The following PABIR1 variants were observed in gnomAD, a reference collection of about 807,000 sequenced individuals.
PABIR1 encodes the protein PPP2R1A-PPP2R2A-interacting phosphatase regulator 1.
PABIR1 carries 2 observed loss-of-function variants against 14.6 expected under a neutral mutation model. That is an observed-to-expected ratio of 0.14 (90% CI 0.06 to 0.43). The LOEUF is 0.43. Among genes scored for constraint, PABIR1 ranks in the 20% least tolerant of loss-of-function variants. The pLI is 0.99. For synonymous variants in PABIR1, 163 were observed against 155.4 expected (o/e 1.05, Z -0.36); for missense variants, 294 against 379.0 (o/e 0.78, Z 1.86).
At position 68,783,418 on chromosome 9, in the gene PABIR1, A is replaced by T. The variant is rs1221107764; in HGVS notation, c.*2390A>T. The stretch of plus-strand genomic sequence containing the variant: ...GTGAGTTTAAGTATGAAGGCAATGT[A>T]TACCTGCTGATTGTAAAATATTTAA... On this transcript the variant is annotated 3_prime_UTR_variant, in exon 1 of 1. Coordinates refer to ENST00000394264, the MANE Select transcript of PABIR1 (RefSeq NM_138333.5). The T allele has an allele frequency of 6.0e-6, 1 of 167,018 alleles. No individual in the cohort carries two copies. The highest frequency in any genetic ancestry group is 6.5e-5 in the Admixed American group (1 of 15,282). 10.3% of individuals were successfully genotyped at this position (167,018 alleles called of 1,614,324 possible).
At position 68,784,203 on chromosome 9, in the gene PABIR1, G is replaced by T. The variant is rs538408801; in HGVS notation, c.*3175G>T. 1 of 167,236 alleles carries T rather than the reference G, an allele frequency of 6.0e-6. No homozygotes were observed. Among genetic ancestry groups the T allele is most frequent in the South Asian group, 2.1e-4 (1 of 4,828 alleles). The allele number at this position is 167,236 out of a possible 1,614,324, so 10.4% of individuals were successfully genotyped here. On this transcript the variant is annotated 3_prime_UTR_variant, in exon 1 of 1. Transcript: ENST00000394264. The stretch of plus-strand genomic sequence containing the variant: ...AACGTCCATCATTATTCTGTAGACT[G>T]TAAGGGCTTACTTAGCTCGTGTAAG...
In PABIR1 at chr9:68,783,121, A is replaced by G. The variant is rs1234638448; in HGVS notation, c.*2093A>G. On this transcript the variant is annotated 3_prime_UTR_variant, in exon 1 of 1. Transcript: ENST00000394264. ...GTAATCTTTCTGAAATTTAAACTTGATATTTTTCGCCCTCTTGCTTGAAAA... is the reference window on the plus strand; with the variant it reads ...GTAATCTTTCTGAAATTTAAACTTGGTATTTTTCGCCCTCTTGCTTGAAAA... The G allele has an allele frequency of 1.2e-5, 2 of 166,910 alleles. No homozygotes were observed. Among genetic ancestry groups the G allele is most frequent in the African/African-American group, 2.4e-5 (1 of 41,394 alleles). 10.3% of individuals were successfully genotyped at this position (166,910 alleles called of 1,614,324 possible).
chr9:68,781,205 C>G lies in PABIR1; in HGVS notation c.*177C>G. ...TTCTATGTCAGGTTCCTTTGGATAC[C>G]CTTGAATTCAGTGTAGTAATATTTT... On this transcript the variant is annotated 3_prime_UTR_variant, in exon 1 of 1. Transcript: ENST00000394264. 1.3e-6 allele frequency: 1 copy of G among 772,510 alleles called. No homozygotes were observed. The highest frequency in any genetic ancestry group is 2.1e-6 in the Non-Finnish European group (1 of 482,552). The allele number at this position is 772,510 out of a possible 1,614,324, so 47.9% of individuals were successfully genotyped here.
rs1831504908 is a variant in PABIR1, at chr9:68,784,635, G to A, written c.*3607G>A. 6.0e-6 allele frequency: 1 copy of A among 166,554 alleles called. No homozygotes were observed. The highest frequency in any genetic ancestry group is 2.4e-5 in the African/African-American group (1 of 41,384). The allele number at this position is 166,554 out of a possible 1,614,324, so 10.3% of individuals were successfully genotyped here. On this transcript the variant is annotated 3_prime_UTR_variant, in exon 1 of 1. Coordinates refer to ENST00000394264, the MANE Select transcript of PABIR1 (RefSeq NM_138333.5). ...TGAGTCTGAGAACATTTTTTTTCAG[G>A]GTGTGTTTATAGATTAGTAGAACAA...
Position 68,781,929 on chromosome 9 carries a change from A to G in PABIR1, c.*901A>G, listed in dbSNP as rs1328819499. 3 of 167,016 alleles carry G rather than the reference A, an allele frequency of 1.8e-5. No individual in the cohort carries two copies. The highest frequency in any genetic ancestry group is 4.8e-5 in the African/African-American group (2 of 41,462). The allele number at this position is 167,016 out of a possible 1,614,324, so 10.3% of individuals were successfully genotyped here. A position where few individuals can be genotyped will look rare whatever the true frequency, so the allele number is the denominator to read the frequency against. On this transcript the variant is annotated 3_prime_UTR_variant, in exon 1 of 1. Coordinates refer to ENST00000394264, the MANE Select transcript of PABIR1 (RefSeq NM_138333.5). The stretch of plus-strand genomic sequence containing the variant: ...AGGCTTGTTGAACTTTGGCGCACTC[A>G]GGTAAACAATACTCTCTCAATTGTT...
Position 68,782,407 on chromosome 9 carries a change from A to G in PABIR1, c.*1379A>G, listed in dbSNP as rs1027225842. The G allele has an allele frequency of 6.0e-6, 1 of 166,942 alleles. No homozygotes were observed. Among genetic ancestry groups the G allele is most frequent in the Non-Finnish European group, 1.5e-5 (1 of 68,114 alleles). The allele number at this position is 166,942 out of a possible 1,614,324, so 10.3% of individuals were successfully genotyped here. Reference sequence around the variant, plus strand: ...AATTAAGACAAAATGTTTAATAAGAATAGCAAAAATTTTTTTATATTATGC... The same window carrying G: ...AATTAAGACAAAATGTTTAATAAGAGTAGCAAAAATTTTTTTATATTATGC... On this transcript the variant is annotated 3_prime_UTR_variant, in exon 1 of 1. Transcript: ENST00000394264.
Position 68,780,995 on chromosome 9 carries a change from A to G in PABIR1, c.831A>G (p.Pro277=). 3 of 1,614,028 alleles carry G rather than the reference A, an allele frequency of 1.9e-6. No individual in the cohort carries two copies. The highest frequency in any genetic ancestry group is 2.5e-6 in the Non-Finnish European group (3 of 1,179,888). The part of the protein sequence containing the change: ...SPVSPAQAAS[P]FIPLDELSSK ...TGTCACCTGCCCAAGCGGCTTCTCC[A>G]TTTATTCCACTAGATGAACTTTCGT... Residue 277 remains proline (P), a synonymous_variant, in exon 1 of 1, where the codon CCA becomes CCG. Coordinates refer to ENST00000394264, the MANE Select transcript of PABIR1 (RefSeq NM_138333.5).
In PABIR1 at chr9:68,782,311, T is replaced by C. The variant is rs1481365278; in HGVS notation, c.*1283T>C. 6.0e-6 allele frequency: 1 copy of C among 167,130 alleles called. No individual in the cohort carries two copies. Among genetic ancestry groups the C allele is most frequent in the Non-Finnish European group, 1.5e-5 (1 of 68,130 alleles). The allele number at this position is 167,130 out of a possible 1,614,324, so 10.4% of individuals were successfully genotyped here. ...AAGAGAAAATTAGTGGAGAGTCACA[T>C]AGGTAAATCATTATTTAACTTAGGT... On this transcript the variant is annotated 3_prime_UTR_variant, in exon 1 of 1. Coordinates refer to ENST00000394264, the MANE Select transcript of PABIR1 (RefSeq NM_138333.5).
At position 68,780,588 on chromosome 9, in the gene PABIR1, G is replaced by T. The variant is rs376348109; in HGVS notation, c.424G>T (p.Val142Leu). 1.7e-5 allele frequency: 27 copies of T among 1,614,074 alleles called. No individual in the cohort carries two copies. Among genetic ancestry groups the T allele is most frequent in the Non-Finnish European group, 2.3e-5 (27 of 1,180,044 alleles). The change falls in exon 1 of 1, where the codon GTG (valine) becomes TTG (leucine). Residue 142 changes from valine to leucine, a missense_variant. Val to Leu is a conservative substitution (Grantham distance 32). Coordinates refer to ENST00000394264, the MANE Select transcript of PABIR1 (RefSeq NM_138333.5). ...CCCCAAGCGCATCGATTTCATTCCT[G>T]TGTCACCAGCACCGTCACCCACTCG... Reference protein sequence around the residue: ...ASPKRIDFIPVSPAPSPTRGI... With the variant: ...ASPKRIDFIPLSPAPSPTRGI...
rs1564128698 is a variant in PABIR1, at chr9:68,780,125, G to A, written c.-40G>A. The A allele has an allele frequency of 2.0e-6, 3 of 1,504,120 alleles. No individual in the cohort carries two copies. In the East Asian group the frequency reaches 7.1e-5, roughly 36 times the overall value. 93.2% of individuals were successfully genotyped at this position (1,504,120 alleles called of 1,614,324 possible). ...GGACTGCGGGGAATGGGAATCCTAG[G>A]TCCCTGACTGAGCACCTCCCCCGCC... On this transcript the variant is annotated 5_prime_UTR_variant, in exon 1 of 1. Transcript: ENST00000394264.
chr9:68,783,249 TCTC>T lies in PABIR1; in HGVS notation c.*2225_*2227del, dbSNP rs1349844147. 1.2e-5 allele frequency: 2 copies of T among 167,128 alleles called. No individual in the cohort carries two copies. Among genetic ancestry groups the T allele is most frequent in the East Asian group, 1.9e-4 (1 of 5,196 alleles). The allele number at this position is 167,128 out of a possible 1,614,324, so 10.4% of individuals were successfully genotyped here. On this transcript the variant is annotated 3_prime_UTR_variant, in exon 1 of 1. Transcript: ENST00000394264. ...CCATATTCTGAAATAGCTTCAATCC[TCTC>T]CTCATCTCTGTTCCAGTATACATCT...
Position 68,783,617 on chromosome 9 carries a change from C to T in PABIR1, c.*2589C>T, listed in dbSNP as rs1831431990. The stretch of plus-strand genomic sequence containing the variant: ...CAGGAAACCAACATGTCATTGACAC[C>T]TCTCTTCTTTACTTTTCCCCATATC... On this transcript the variant is annotated 3_prime_UTR_variant, in exon 1 of 1. Coordinates refer to ENST00000394264, the MANE Select transcript of PABIR1 (RefSeq NM_138333.5). 3 of 166,858 alleles carry T rather than the reference C, an allele frequency of 1.8e-5. No homozygotes were observed. The highest frequency in any genetic ancestry group is 6.5e-5 in the Admixed American group (1 of 15,280). The allele number at this position is 166,858 out of a possible 1,614,324, so 10.3% of individuals were successfully genotyped here. A position where few individuals can be genotyped will look rare whatever the true frequency, so the allele number is the denominator to read the frequency against.
rs975422956 is a variant in PABIR1, at chr9:68,783,446, A to AT, written c.*2420dup. On this transcript the variant is annotated 3_prime_UTR_variant, in exon 1 of 1. Coordinates refer to ENST00000394264, the MANE Select transcript of PABIR1 (RefSeq NM_138333.5). ...CCTGCTGATTGTAAAATATTTAAAC[A>AT]TTGTACATATCTGTGTGGTTTTAAA... 1.2e-5 allele frequency: 2 copies of AT among 167,018 alleles called. No homozygotes were observed. Among genetic ancestry groups the AT allele is most frequent in the African/African-American group, 4.8e-5 (2 of 41,464 alleles). The allele number at this position is 167,018 out of a possible 1,614,324, so 10.3% of individuals were successfully genotyped here.
At position 68,780,672 on chromosome 9, in the gene PABIR1, T is replaced by C. The variant is rs1831213473; in HGVS notation, c.508T>C (p.Leu170=). Residue 170 remains leucine, a synonymous_variant, in exon 1 of 1, where the codon TTG becomes CTG. Transcript: ENST00000394264. ...SLQSFVSSNG[L]PPSPIPSPTT... ...GCAAAGTTTTGTAAGTAGCAACGGA[T>C]TGCCTCCAAGCCCTATTCCCAGCCC... 3 of 1,614,050 alleles carry C rather than the reference T, an allele frequency of 1.9e-6. No individual in the cohort carries two copies. The highest frequency in any genetic ancestry group is 2.5e-6 in the Non-Finnish European group (3 of 1,180,038).
rs955668395 is a variant in PABIR1, at chr9:68,781,984, C to T, written c.*956C>T. 1 of 167,052 alleles carries T rather than the reference C, an allele frequency of 6.0e-6. No individual in the cohort carries two copies. 10.3% of individuals were successfully genotyped at this position (167,052 alleles called of 1,614,324 possible). A position where few individuals can be genotyped will look rare whatever the true frequency, so the allele number is the denominator to read the frequency against. On this transcript the variant is annotated 3_prime_UTR_variant, in exon 1 of 1. Coordinates refer to ENST00000394264, the MANE Select transcript of PABIR1 (RefSeq NM_138333.5). ...TACTTTAAAATATTCAGTTGTGCCTCAGTTCCAGAAATTATTGCCAAACAG... is the reference window on the plus strand; with the variant it reads ...TACTTTAAAATATTCAGTTGTGCCTTAGTTCCAGAAATTATTGCCAAACAG...
At position 68,784,517 on chromosome 9, in the gene PABIR1, A is replaced by G. The variant is rs1393090942; in HGVS notation, c.*3489A>G. On this transcript the variant is annotated 3_prime_UTR_variant, in exon 1 of 1. Coordinates refer to ENST00000394264, the MANE Select transcript of PABIR1 (RefSeq NM_138333.5). ...ATCAGATTGCCTTCCAGTGATTCAC[A>G]TTTATTAGTTCAACCAGTTACATAC... The G allele has an allele frequency of 6.0e-6, 1 of 166,650 alleles. No individual in the cohort carries two copies. The highest frequency in any genetic ancestry group is 6.5e-5 in the Admixed American group (1 of 15,294). 10.3% of individuals were successfully genotyped at this position (166,650 alleles called of 1,614,324 possible).
In PABIR1 at chr9:68,783,469, A is replaced by G. The variant is rs2132467843; in HGVS notation, c.*2441A>G. ...ACATTGTACATATCTGTGTGGTTTT[A>G]AAAGTCTGCTTTTAATTATGTAAAA... On this transcript the variant is annotated 3_prime_UTR_variant, in exon 1 of 1. Coordinates refer to ENST00000394264, the MANE Select transcript of PABIR1 (RefSeq NM_138333.5). 6.0e-6 allele frequency: 1 copy of G among 167,150 alleles called. No individual in the cohort carries two copies. The highest frequency in any genetic ancestry group is 1.5e-5 in the Non-Finnish European group (1 of 68,114). The allele number at this position is 167,150 out of a possible 1,614,324, so 10.4% of individuals were successfully genotyped here. A position where few individuals can be genotyped will look rare whatever the true frequency, so the allele number is the denominator to read the frequency against.
In PABIR1 at chr9:68,780,684, C is replaced by G; in HGVS notation, c.520C>G (p.Pro174Ala). 1 of 1,614,204 alleles carries G rather than the reference C, an allele frequency of 6.2e-7. No homozygotes were observed. The highest frequency in any genetic ancestry group is 8.5e-7 in the Non-Finnish European group (1 of 1,180,032). Reference sequence around the variant, plus strand: ...AAGTAGCAACGGATTGCCTCCAAGCCCTATTCCCAGCCCAACGACCCGATT... The same window carrying G: ...AAGTAGCAACGGATTGCCTCCAAGCGCTATTCCCAGCCCAACGACCCGATT... ...FVSSNGLPPS[P>A]IPSPTTRFTT... The change falls in exon 1 of 1, where the codon CCT (proline) becomes GCT (alanine). Residue 174 changes from proline to alanine, a missense_variant. Transcript: ENST00000394264.
At position 68,780,140 on chromosome 9, in the gene PABIR1, C is replaced by A; in HGVS notation, c.-25C>A. On this transcript the variant is annotated 5_prime_UTR_variant, in exon 1 of 1. Transcript: ENST00000394264. ...GGAATCCTAGGTCCCTGACTGAGCA[C>A]CTCCCCCGCCTCCCTGCCCCCGACA... 1 of 1,507,336 alleles carries A rather than the reference C, an allele frequency of 6.6e-7. No homozygotes were observed. The highest frequency in any genetic ancestry group is 8.8e-7 in the Non-Finnish European group (1 of 1,132,206). The allele number at this position is 1,507,336 out of a possible 1,614,324, so 93.4% of individuals were successfully genotyped here.
Sources: gnomAD v4.1 joint callset for allele counts on GRCh38, gnomAD v4.1.1 for gene constraint, MANE v1.5 for transcripts, NCBI Gene and HGNC (gene_info 2026-07-23, HGNC 2026-07-21) for gene names.